SPOCK1: variants seen among roughly 807,000 people sequenced by gnomAD.
The protein encoded by SPOCK1 is SPARC (osteonectin), cwcv and kazal like domains proteoglycan 1.
SPOCK1 carries 23 observed loss-of-function variants against 55.3 expected under a neutral mutation model. The observed-to-expected ratio is 0.42, with a 90% confidence interval of 0.30 to 0.59. The LOEUF (loss-of-function observed/expected upper bound fraction) is 0.59, where lower values mean the gene tolerates loss of function less well. Among genes scored for constraint, SPOCK1 ranks in the 20% least tolerant of loss-of-function variants. The probability of loss-of-function intolerance (pLI) is 0.22; values close to 1 mark genes in which losing one functional copy is unlikely to be tolerated. For synonymous variants in SPOCK1, 226 were observed against 221.0 expected, an observed-to-expected ratio of 1.02 and a Z score of -0.20; for missense variants, 499 against 552.5, an observed-to-expected ratio of 0.90 and a Z score of 0.97.
At chr5:137,358,705 G>T (rs1250624151) in intron 2 of SPOCK1, among the ~76,000 whole-genome samples, 1 of 152,168 alleles carries the variant, frequency 6.6e-6, no homozygotes, top group Non-Finnish European at 1.5e-5. Flanking sequence ...AATGTTCCAG[G>T]TGGCTGTGCA....
At chr5:137,438,971 C>T (rs1393661295) in intron 2 of SPOCK1, among the ~76,000 whole-genome samples, 1 of 152,222 alleles carries the variant, frequency 6.6e-6, no homozygotes, top group African/African-American at 2.4e-5. Context: ...GGGTGCAATG[C>T]ATCAGTAAAG....
At position 137,143,259 on chromosome 5, in the gene SPOCK1, G is replaced by A. The variant is rs568321892; in HGVS notation, c.233-2565C>T. 2.6e-5 allele frequency among the ~76,000 whole-genome samples: 4 copies of A among 152,290 alleles called. No individual in the cohort carries two copies. The East Asian group carries it at 7.7e-4, about 29-fold the overall frequency. Reference sequence around the variant, plus strand: ...AACAGGTTGGCCTAGGGTGATGGGTGTCAAAATCTGCAGTACTACATGACA... The same window carrying A: ...AACAGGTTGGCCTAGGGTGATGGGTATCAAAATCTGCAGTACTACATGACA... On this transcript the variant is annotated intron_variant, in intron 3 of 10. Coordinates refer to ENST00000394945, the MANE Select transcript of SPOCK1 (RefSeq NM_004598.4).
chr5:137,105,695 A>C (rs1343992422), intron 5 of SPOCK1, among the ~76,000 whole-genome samples: 1 of 152,226 alleles, frequency 6.6e-6, no homozygotes, highest in Non-Finnish European at 1.5e-5. Context: ...GCTGAAAGAA[A>C]TGCCAACCCT....
intron 3 of SPOCK1, among the ~76,000 whole-genome samples, chr5:137,162,152 C>G (rs1754570508): frequency 9.1e-6 from 1 of 109,942 alleles, no homozygotes; most frequent in African/African-American, 3.6e-5. Flanking sequence ...TTTTTTTCCT[C>G]TTGAGATGGA....
At chr5:137,315,627 A>AC (rs1232973485) in intron 2 of SPOCK1, among the ~76,000 whole-genome samples, 2 of 151,674 alleles carry the variant, frequency 1.3e-5, no homozygotes, top group African/African-American at 4.8e-5. Flanking sequence ...TCTCACAAAC[A>AC]CCCCTTTGAG....
chr5:136,996,662 T>C (rs1198387341), intron 6 of SPOCK1, among the ~76,000 whole-genome samples: 1 of 152,062 alleles, frequency 6.6e-6, no homozygotes. Flanking sequence ...TACAAGAGGA[T>C]TATAAAATGC....
chr5:137,210,718 G>A (rs1755594713), intron 3 of SPOCK1, among the ~76,000 whole-genome samples: 1 of 152,176 alleles, frequency 6.6e-6, no homozygotes, highest in African/African-American at 2.4e-5. Context: ...GCACACAGGG[G>A]CAGCTGGGAT....
intron 2 of SPOCK1, among the ~76,000 whole-genome samples, chr5:137,382,035 A>C (rs1232730757): frequency 6.6e-6 from 1 of 152,234 alleles, no homozygotes; most frequent in Non-Finnish European, 1.5e-5. Context: ...TTTAGAAACA[A>C]CCAGGTCACA....
chr5:137,355,811 C>T (rs1662798465), intron 2 of SPOCK1, among the ~76,000 whole-genome samples: 1 of 152,154 alleles, frequency 6.6e-6, no homozygotes, highest in Admixed American at 6.5e-5. Context: ...GCCCAGCCCC[C>T]AGGTGGAGTC....
At chr5:136,979,696 A>G (rs1750690177) in intron 9 of SPOCK1, among the ~76,000 whole-genome samples, 1 of 152,166 alleles carries the variant, frequency 6.6e-6, no homozygotes, top group African/African-American at 2.4e-5. Flanking sequence ...GAATGATAAT[A>G]GCTATCATGT....
intron 6 of SPOCK1, among the ~76,000 whole-genome samples, chr5:137,058,398 T>C (rs1752338237): frequency 6.6e-6 from 1 of 152,232 alleles, no homozygotes; most frequent in African/African-American, 2.4e-5. Flanking sequence ...ATGTATAAAG[T>C]GCTTAGCACA....
Position 137,294,808 on chromosome 5 carries a change from T to C in SPOCK1, c.187-27753A>G, listed in dbSNP as rs181224390. ...CAGGCACATTCTTGCCTCAGGGCCT[T>C]TGCACTTGCTGTTTTCTTATCTGAA... is the stretch of plus-strand genomic sequence containing the variant. On this transcript the variant is annotated intron_variant, in intron 2 of 10. Coordinates refer to ENST00000394945, the MANE Select transcript of SPOCK1 (RefSeq NM_004598.4). 7.2e-5 allele frequency among the ~76,000 whole-genome samples: 11 copies of C among 152,340 alleles called. No individual in the cohort carries two copies. In the East Asian group the frequency reaches 2.1e-3, roughly 29 times the overall value.
intron 2 of SPOCK1, among the ~76,000 whole-genome samples, chr5:137,437,322 T>C (rs1752886430): frequency 6.6e-6 from 1 of 152,182 alleles, no homozygotes; most frequent in African/African-American, 2.4e-5. Context: ...TGAATCCCTG[T>C]AGAGGAGCAC....
intron 2 of SPOCK1, among the ~76,000 whole-genome samples, chr5:137,497,956 A>T (rs1241420956): frequency 6.6e-6 from 1 of 151,672 alleles, no homozygotes; most frequent in East Asian, 1.9e-4. Context: ...CTCCTGACAC[A>T]CCCCAGAGAT....
At chr5:137,300,827 C>A (rs1757574443) in intron 2 of SPOCK1, among the ~76,000 whole-genome samples, 1 of 152,186 alleles carries the variant, frequency 6.6e-6, no homozygotes, top group South Asian at 2.1e-4. Context: ...CTGTGACCTC[C>A]AGCAGCTCCG....
chr5:137,066,744 T>C (rs1017762080), intron 6 of SPOCK1, among the ~76,000 whole-genome samples: 1 of 152,188 alleles, frequency 6.6e-6, no homozygotes, highest in Non-Finnish European at 1.5e-5. Context: ...CAGTGTTTCA[T>C]GGTTTACAAC....
intron 2 of SPOCK1, among the ~76,000 whole-genome samples, chr5:137,406,113 G>A (rs1272738812): frequency 6.6e-6 from 1 of 152,146 alleles, no homozygotes; most frequent in East Asian, 1.9e-4. Context: ...TAGGCTCCCT[G>A]CTAGAGAAGC....
intron 2 of SPOCK1, among the ~76,000 whole-genome samples, chr5:137,345,367 G>A (rs1561510594): frequency 6.6e-6 from 1 of 152,212 alleles, no homozygotes; most frequent in Admixed American, 6.5e-5. Context: ...TTTATGGGGT[G>A]AGCCTGTGTC....
chr5:137,268,092 A>C (rs1756892223), intron 2 of SPOCK1, among the ~76,000 whole-genome samples: 1 of 152,216 alleles, frequency 6.6e-6, no homozygotes, highest in Non-Finnish European at 1.5e-5. Flanking sequence ...ATTATTGTCC[A>C]TGCTGTGTTC....
Sources: allele counts gnomAD v4.1 joint callset (sites outside exome capture counted in the v4.1 genomes callset), GRCh38; gene constraint gnomAD v4.1.1; transcripts MANE v1.5; gene names NCBI Gene and HGNC (gene_info 2026-07-23, HGNC 2026-07-21).